CTSC: variants seen among roughly 807,000 people sequenced by gnomAD.
The protein encoded by CTSC is cathepsin C, also known as dipeptidyl peptidase 1.
In CTSC, 37 loss-of-function variants were observed where a neutral mutation model predicts 40.9. That is an observed-to-expected ratio of 0.91 (90% CI 0.70 to 1.19). The LOEUF (loss-of-function observed/expected upper bound fraction) is 1.19, where lower values mean the gene tolerates loss of function less well. Among genes scored for constraint, CTSC ranks in the 50% most tolerant of loss-of-function variants. The pLI, the probability that CTSC is intolerant of heterozygous loss-of-function variation, is 0.00. For missense variants in CTSC, 594 were observed against 567.3 expected (o/e 1.05, Z -0.48); for synonymous variants, 232 against 207.4 (o/e 1.12, Z -1.02).
chr11:88,318,602 T>C (rs1244556611), intron 2 of CTSC, among the ~76,000 whole-genome samples: 1 of 152,210 alleles, frequency 6.6e-6, no homozygotes, highest in Non-Finnish European at 1.5e-5. Context: ...CCCATATATA[T>C]TTCTAACATA....
intron 2 of CTSC, among the ~76,000 whole-genome samples, chr11:88,327,560 G>A (rs1938226756): frequency 6.6e-6 from 1 of 152,130 alleles, no homozygotes; most frequent in African/African-American, 2.4e-5. Context: ...GAGTGAATAA[G>A]ATTCTCTCCT....
At chr11:88,334,739 G>T (rs1249491843) in intron 2 of CTSC, 198 bp downstream of exon 2, 9 of 565,120 alleles carry the variant, frequency 1.6e-5, no homozygotes, top group Non-Finnish European at 2.8e-5. Context: ...TGTAGCACTG[G>T]TATTTTGTAA....
intron 3 of CTSC, among the ~76,000 whole-genome samples, chr11:88,310,881 T>G (rs553385280): frequency 1.1e-5 from 1 of 94,998 alleles, no homozygotes; most frequent in South Asian, 5.2e-4. Context: ...CTGTAGATAT[T>G]TGAGGAGCAG....
chr11:88,330,178 T>C (rs1206540551), intron 2 of CTSC, among the ~76,000 whole-genome samples: 1 of 152,190 alleles, frequency 6.6e-6, no homozygotes, highest in African/African-American at 2.4e-5. Flanking sequence ...TGAATTTGAA[T>C]GCCTCTAAGA....
chr11:88,312,471 C>T lies in CTSC; in HGVS notation c.402G>A (p.Trp134Ter). The T allele has an allele frequency of 4.3e-6, 7 of 1,614,144 alleles. No homozygotes were observed. Among genetic ancestry groups the T allele is most frequent in the Non-Finnish European group, 5.9e-6 (7 of 1,180,030 alleles). The change falls in exon 3 of 7, where the codon TGG becomes TGA. Residue 134 changes from tryptophan to a stop codon, truncating the protein, a stop_gained. Transcript: ENST00000227266. LOFTEE classifies it high-confidence loss of function. ...GWVHDVLGRN[W>*]ACFTGKKVGT... is the part of the protein sequence containing the mutation. Reference sequence around the variant, plus strand: ...CCACCTTCTTTCCGGTGAAACAAGCCCAGTTCCGGCCCAACACATCATGCA... The same window carrying T: ...CCACCTTCTTTCCGGTGAAACAAGCTCAGTTCCGGCCCAACACATCATGCA...
intron 2 of CTSC, chr11:88,326,309 C>T: frequency 1.2e-6 from 2 of 1,613,166 alleles, no homozygotes; most frequent in South Asian, 1.1e-5. Context: ...CCAGAAGGGA[C>T]TGTAGCTGCT....
At chr11:88,303,525 T>A (rs534677296) in intron 4 of CTSC, among the ~76,000 whole-genome samples, 15 of 152,202 alleles carry the variant, frequency 9.9e-5, no homozygotes, top group Non-Finnish European at 2.2e-4. Flanking sequence ...ATACTACAAA[T>A]GAAACAGATG....
intron 2 of CTSC, chr11:88,322,962 A>G (rs217056): frequency 0.73 from 111,110 of 152,066 alleles, 40,775 homozygotes; most frequent in East Asian, 0.89. Context: ...CAGAGATACG[A>G]CAACAAAAAG....
intron 5 of CTSC, chr11:88,299,820 A>C (rs1341688889): frequency 6.6e-6 from 1 of 152,294 alleles, no homozygotes; most frequent in Non-Finnish European, 1.5e-5. Flanking sequence ...AGATTCTCCA[A>C]GTCATTGTTG....
chr11:88,335,687 G>A (rs1208805199), intron 1 of CTSC, among the ~76,000 whole-genome samples: 1 of 152,174 alleles, frequency 6.6e-6, no homozygotes, highest in Non-Finnish European at 1.5e-5. Context: ...CTGAACAAAA[G>A]GAGAAATGGG....
intron 2 of CTSC, among the ~76,000 whole-genome samples, chr11:88,315,772 C>G (rs1274390337): frequency 7.4e-6 from 1 of 135,602 alleles, no homozygotes; most frequent in Non-Finnish European, 1.5e-5. Flanking sequence ...TCACGAAGAG[C>G]CAGAGAGGTA....
chr11:88,306,283 G>T (rs1273044847), intron 4 of CTSC, among the ~76,000 whole-genome samples: 1 of 152,138 alleles, frequency 6.6e-6, no homozygotes, highest in Non-Finnish European at 1.5e-5. Context: ...AGTTAGTAAT[G>T]TTGATATGGA....
At chr11:88,329,010 T>C (rs1190305115) in intron 2 of CTSC, among the ~76,000 whole-genome samples, 1 of 152,166 alleles carries the variant, frequency 6.6e-6, no homozygotes, top group African/African-American at 2.4e-5. Context: ...AAGATTTGCT[T>C]CACTATCACC....
intron 1 of CTSC, among the ~76,000 whole-genome samples, chr11:88,336,572 G>A (rs1390084979): frequency 2.0e-5 from 3 of 151,764 alleles, no homozygotes; most frequent in African/African-American, 7.3e-5. Flanking sequence ...CAATGTTCAG[G>A]ATTATGAAAT....
At chr11:88,307,371 G>C (rs1034036421) in intron 4 of CTSC, among the ~76,000 whole-genome samples, 1 of 152,066 alleles carries the variant, frequency 6.6e-6, no homozygotes, top group African/African-American at 2.4e-5. Context: ...GATAGATGTA[G>C]ATCCTAAGCT....
chr11:88,332,413 TG>T (rs1938386484), intron 2 of CTSC, among the ~76,000 whole-genome samples: 1 of 152,226 alleles, frequency 6.6e-6, no homozygotes, highest in African/African-American at 2.4e-5. Flanking sequence ...CTGATGCTTA[TG>T]GTAAAATCTG....
intron 2 of CTSC, among the ~76,000 whole-genome samples, chr11:88,318,457 C>A (rs909899611): frequency 2.2e-4 from 34 of 152,174 alleles, no homozygotes; most frequent in African/African-American, 8.0e-4. Flanking sequence ...ACCATCATTA[C>A]CATGAAGGAT....
intron 2 of CTSC, among the ~76,000 whole-genome samples, chr11:88,331,944 T>C (rs1424948287): frequency 6.6e-6 from 1 of 152,230 alleles, no homozygotes; most frequent in Non-Finnish European, 1.5e-5. Context: ...GGACAAAACC[T>C]ATATATGTCA....
intron 3 of CTSC, among the ~76,000 whole-genome samples, chr11:88,311,394 T>A (rs1565255919): frequency 6.6e-6 from 1 of 152,230 alleles, no homozygotes; most frequent in Non-Finnish European, 1.5e-5. Context: ...ACCTCTGTGC[T>A]GCAGTCATTC....
Sources: allele counts gnomAD v4.1 joint callset (sites outside exome capture counted in the v4.1 genomes callset), GRCh38; gene constraint gnomAD v4.1.1; transcripts MANE v1.5; gene names NCBI Gene and HGNC (gene_info 2026-07-23, HGNC 2026-07-21).